Variants in SLFN11 observed in about 807,000 individuals in gnomAD.
SLFN11 encodes the protein schlafen family member 11.
In SLFN11, 43 loss-of-function variants were observed where a neutral mutation model predicts 53.4. That is an observed-to-expected ratio of 0.80 (90% CI 0.63 to 1.04). The LOEUF (loss-of-function observed/expected upper bound fraction) is 1.04. Ranked by LOEUF, SLFN11 falls within the 50% of genes least tolerant of loss-of-function variation. The pLI is 0.00. For missense variants in SLFN11, 990 were observed against 1,079.1 expected (o/e 0.92, Z 1.16); for synonymous variants, 389 against 394.7 (o/e 0.99, Z 0.17).
intron 3 of SLFN11, 81 bp from the exon 4 acceptor site, chr17:35,363,907 A>G: frequency 9.0e-7 from 1 of 1,111,140 alleles, no homozygotes; most frequent in South Asian, 1.7e-5. Context: ...ATGTGCTGAG[A>G]GAAGACAATA....
Position 35,352,192 on chromosome 17 carries a change from T to G in SLFN11, c.*164A>C, listed in dbSNP as rs1597694045. The G allele has an allele frequency of 1.2e-6, 1 of 835,882 alleles. No individual in the cohort carries two copies. Among genetic ancestry groups the G allele is most frequent in the East Asian group, 2.6e-5 (1 of 37,890 alleles). The allele number at this position is 835,882 out of a possible 1,614,324, so 51.8% of individuals were successfully genotyped here. A position where few individuals can be genotyped will look rare whatever the true frequency, so the allele number is the denominator to read the frequency against. On this transcript the variant is annotated 3_prime_UTR_variant, in exon 7 of 7. Transcript: ENST00000685675. ...GGGGCAGCCACCGCTGCTGAAAGGGTTGGGGAAGGAACCCCTGAAAGGAGA... is the reference window on the plus strand; with the variant it reads ...GGGGCAGCCACCGCTGCTGAAAGGGGTGGGGAAGGAACCCCTGAAAGGAGA...
rs1906744786 is a variant in SLFN11 at position 35,352,077 on chromosome 17, G to T, written c.*279C>A. The T allele has an allele frequency of 5.1e-6, 2 of 391,356 alleles. No homozygotes were observed. The highest frequency in any genetic ancestry group is 9.1e-6 in the Non-Finnish European group (2 of 220,314). The allele number at this position is 391,356 out of a possible 1,614,324, so 24.2% of individuals were successfully genotyped here. A position where few individuals can be genotyped will look rare whatever the true frequency, so the allele number is the denominator to read the frequency against. ...TATTTTTATGGCTTTTACCCAAAAT[G>T]CAAGACACAGATCGGCATTGTGCAG... On this transcript the variant is annotated 3_prime_UTR_variant, in exon 7 of 7. Coordinates refer to ENST00000685675, the MANE Select transcript of SLFN11 (RefSeq NM_001376007.1).
chr17:35,371,298 C>G (rs994775777), intron 1 of SLFN11, among the ~76,000 whole-genome samples: 1 of 152,048 alleles, frequency 6.6e-6, no homozygotes, highest in Non-Finnish European at 1.5e-5. Flanking sequence ...ACTCCTAACT[C>G]TTGTCACATA....
At chr17:35,365,979 C>T (rs1908907642) in intron 3 of SLFN11, among the ~76,000 whole-genome samples, 1 of 152,034 alleles carries the variant, frequency 6.6e-6, no homozygotes, top group Non-Finnish European at 1.5e-5. Context: ...GCTGTAAGTT[C>T]AGAAGAAAAA....
intron 1 of SLFN11, among the ~76,000 whole-genome samples, chr17:35,368,823 C>T (rs1178397580): frequency 6.6e-6 from 1 of 152,068 alleles, no homozygotes; most frequent in Non-Finnish European, 1.5e-5. Context: ...TAGGATAGCA[C>T]ATTGGTCAGG....
Position 35,353,864 on chromosome 17 carries a change from G to A in SLFN11, c.1394C>T (p.Ala465Val). The stretch of plus-strand genomic sequence containing the variant: ...GTAGAGAATGGGGGTGCTGTTCTGT[G>A]CTATCAGCAGAGCATCACAGATGAC... ...PGVICDALLI[A>V]QNSTPILYTI... Residue 465 changes from alanine to valine, a missense_variant, in exon 6 of 7, where the codon GCA (alanine) becomes GTA (valine). Physicochemically the swap from Ala to Val is moderately conservative, Grantham distance 64 (BLOSUM62 0). Transcript: ENST00000685675. 6.2e-7 allele frequency: 1 copy of A among 1,609,328 alleles called. No individual in the cohort carries two copies. The highest frequency in any genetic ancestry group is 1.7e-4 in the Middle Eastern group (1 of 6,052).
intron 3 of SLFN11, among the ~76,000 whole-genome samples, chr17:35,365,453 TC>T (rs1233863482): frequency 5.9e-5 from 1 of 17,070 alleles, no homozygotes; most frequent in East Asian, 2.0e-3. Flanking sequence ...CCCAGCTAAT[TC>T]TTTAAAAATT....
At chr17:35,372,792 AT>A (rs975924403) in intron 1 of SLFN11, among the ~76,000 whole-genome samples, 1 of 152,060 alleles carries the variant, frequency 6.6e-6, no homozygotes, top group Non-Finnish European at 1.5e-5. Flanking sequence ...TTAAAAATTA[AT>A]TTAAAAAAAA....
rs559257125 is a variant in SLFN11, at chr17:35,363,034, C to T, written c.774G>A (p.Leu258=). The change falls in exon 4 of 7, where the codon CTG becomes CTA. Residue 258 remains leucine, a synonymous_variant. Coordinates refer to ENST00000685675, the MANE Select transcript of SLFN11 (RefSeq NM_001376007.1). ...GGTCAACATTTTCTTTTGCACATCC[C>T]AGGACTTCCCTACTCTTATCATCCA... is the stretch of plus-strand genomic sequence containing the variant. ...IGVDDKSREV[L]GCAKENVDPD... 8.7e-6 allele frequency: 14 copies of T among 1,614,024 alleles called. No homozygotes were observed. In the East Asian group the frequency reaches 2.7e-4, roughly 31 times the overall value.
Position 35,360,273 on chromosome 17 carries a change from T to C in SLFN11, c.1168A>G (p.Lys390Glu), listed in dbSNP as rs1597711694. Reference sequence around the variant, plus strand: ...AATAAAAGTTGCTGGAGTTCCTTTTTATGTTCCAGGCCTTTCTTGGAGTAC... The same window carrying C: ...AATAAAAGTTGCTGGAGTTCCTTTTCATGTTCCAGGCCTTTCTTGGAGTAC... ...PVYSKKGLEH[K>E]KELQQLLFSV... is the part of the protein sequence containing the mutation. Residue 390 changes from lysine to glutamate, a missense_variant, in exon 5 of 7, where the codon AAA (lysine) becomes GAA (glutamate). Coordinates refer to ENST00000685675, the MANE Select transcript of SLFN11 (RefSeq NM_001376007.1). The C allele has an allele frequency of 3.7e-6, 6 of 1,611,270 alleles. No individual in the cohort carries two copies. The highest frequency in any genetic ancestry group is 5.1e-6 in the Non-Finnish European group (6 of 1,179,216).
At chr17:35,353,222 A>T in intron 6 of SLFN11, 83 bp from the exon 7 acceptor site, 1 of 1,594,398 alleles carries the variant, frequency 6.3e-7, no homozygotes, top group Non-Finnish European at 8.5e-7. Context: ...CTCCGAGCAC[A>T]GTACATTACC....
chr17:35,361,820 C>T (rs1908257771), intron 4 of SLFN11, among the ~76,000 whole-genome samples: 1 of 152,020 alleles, frequency 6.6e-6, no homozygotes, highest in Non-Finnish European at 1.5e-5. Flanking sequence ...TCTCGGCTCA[C>T]TGCAACCTCC....
chr17:35,364,757 A>C (rs1446052443), intron 3 of SLFN11, among the ~76,000 whole-genome samples: 1 of 152,162 alleles, frequency 6.6e-6, no homozygotes, highest in Non-Finnish European at 1.5e-5. Flanking sequence ...ATTGAGAATA[A>C]TTCTCAATAA....
intron 5 of SLFN11, 119 bp downstream of exon 5, chr17:35,360,124 C>T (rs1024907682): frequency 8.8e-6 from 9 of 1,026,284 alleles, no homozygotes; most frequent in East Asian, 7.5e-5. Flanking sequence ...AACATCATCA[C>T]GTCTTACAAA....
At chr17:35,354,509 G>A (rs1165503627) in intron 5 of SLFN11, among the ~76,000 whole-genome samples, 2 of 152,154 alleles carry the variant, frequency 1.3e-5, no homozygotes, top group Non-Finnish European at 2.9e-5. Flanking sequence ...GCCACAGGAA[G>A]AAGGTAGTCA....
At chr17:35,353,290 A>G (rs374072547) in intron 6 of SLFN11, 46 bp downstream of exon 6, 2 of 1,611,352 alleles carry the variant, frequency 1.2e-6, no homozygotes, top group African/African-American at 2.7e-5. Flanking sequence ...GAAAAAATTA[A>G]ACCCAGATTA....
At chr17:35,364,553 TG>T (rs1341186643) in intron 3 of SLFN11, among the ~76,000 whole-genome samples, 1 of 152,120 alleles carries the variant, frequency 6.6e-6, no homozygotes, top group Non-Finnish European at 1.5e-5. Flanking sequence ...TTCAGACACC[TG>T]GGCAGTGGGC....
chr17:35,351,759 C>T lies in SLFN11; in HGVS notation c.*597G>A, dbSNP rs1160657955. The T allele has an allele frequency of 6.6e-6, 1 of 152,574 alleles. No homozygotes were observed. The highest frequency in any genetic ancestry group is 2.4e-5 in the African/African-American group (1 of 41,418). 9.5% of individuals were successfully genotyped at this position (152,574 alleles called of 1,614,324 possible). On this transcript the variant is annotated 3_prime_UTR_variant, in exon 7 of 7. Transcript: ENST00000685675. ...CATTCTGAGAACAAGCTCTGGAGACCACAATTTTAAAGGATTAAATAATCA... is the reference window on the plus strand; with the variant it reads ...CATTCTGAGAACAAGCTCTGGAGACTACAATTTTAAAGGATTAAATAATCA...
At chr17:35,359,138 T>A (rs913636864) in intron 5 of SLFN11, among the ~76,000 whole-genome samples, 1 of 152,184 alleles carries the variant, frequency 6.6e-6, no homozygotes, top group Non-Finnish European at 1.5e-5. Context: ...CTGATTTTTT[T>A]ATACCAGAAT....
Sources: gnomAD v4.1 joint callset for allele counts (sites outside exome capture counted in the v4.1 genomes callset) on GRCh38, gnomAD v4.1.1 for gene constraint, MANE v1.5 for transcripts, NCBI Gene and HGNC (gene_info 2026-07-23, HGNC 2026-07-21) for gene names.